The following CA13 variants were observed in gnomAD, a reference collection of about 807,000 sequenced individuals.
CA13 encodes CA-XIII.
In CA13, 21 loss-of-function variants were observed where a neutral mutation model predicts 31.5. That is an observed-to-expected ratio of 0.67 (90% CI 0.47 to 0.96). The LOEUF (loss-of-function observed/expected upper bound fraction) is 0.96. Among genes scored for constraint, CA13 ranks in the 40% least tolerant of loss-of-function variants. The pLI is 0.00. For synonymous variants in CA13, 117 were observed against 111.4 expected, an observed-to-expected ratio of 1.05 and a Z score of -0.32; for missense variants, 315 against 318.9, an observed-to-expected ratio of 0.99 and a Z score of 0.09.
At chr8:85,263,500 G>T (rs963826835) in intron 3 of CA13, among the ~76,000 whole-genome samples, 40 of 152,296 alleles carry the variant, frequency 2.6e-4, no homozygotes, top group African/African-American at 8.9e-4. Flanking sequence ...TCTGGGGGTG[G>T]TGGAGACGAA....
intron 3 of CA13, among the ~76,000 whole-genome samples, chr8:85,265,658 A>G (rs1564002865): frequency 6.6e-6 from 1 of 152,020 alleles, no homozygotes; most frequent in Non-Finnish European, 1.5e-5. Context: ...AAACATATTC[A>G]TAGAACGTGG....
intron 6 of CA13, 62 bp downstream of exon 6, chr8:85,268,689 T>G (rs1807489129): frequency 1.5e-6 from 2 of 1,364,626 alleles, no homozygotes; most frequent in African/African-American, 2.9e-5. Context: ...TTTTTTTTTT[T>G]TTTTTCAACC....
At chr8:85,278,058 C>G (rs1587547417) in intron 6 of CA13, among the ~76,000 whole-genome samples, 1 of 151,232 alleles carries the variant, frequency 6.6e-6, no homozygotes, top group Non-Finnish European at 1.5e-5. Flanking sequence ...GCCAGGAGTT[C>G]AAGACCAGTC....
At chr8:85,246,860 TAAAG>T (rs1221622684) in intron 1 of CA13, among the ~76,000 whole-genome samples, 3 of 152,216 alleles carry the variant, frequency 2.0e-5, no homozygotes, top group Middle Eastern at 3.4e-3. Flanking sequence ...AAATACATAA[TAAAG>T]AAAAAAATTA....
chr8:85,269,574 CAA>C (rs1442214944), intron 6 of CA13, among the ~76,000 whole-genome samples: 2 of 152,134 alleles, frequency 1.3e-5, no homozygotes, highest in Admixed American at 1.3e-4. Flanking sequence ...CATTTGTTGA[CAA>C]AAACTTTTGT....
rs1184876798 is a variant in CA13, at chr8:85,245,491, TC to T, written c.-336del. ...CCTGGAAGTCCTCTAGGCAACACTT[TC>T]CTCTCCCGAGTGACGACTCCTCAGA... On this transcript the variant is annotated 5_prime_UTR_variant, in exon 1 of 7. Transcript: ENST00000321764. 2 of 321,676 alleles carry T rather than the reference TC, an allele frequency of 6.2e-6. No homozygotes were observed. The highest frequency in any genetic ancestry group is 1.1e-5 in the Non-Finnish European group (2 of 174,010). The allele number at this position is 321,676 out of a possible 1,614,324, so 19.9% of individuals were successfully genotyped here.
At chr8:85,251,028 A>C (rs1203359843) in intron 2 of CA13, 91 bp downstream of exon 2, 1 of 1,064,378 alleles carries the variant, frequency 9.4e-7, no homozygotes, top group Non-Finnish European at 1.4e-6. Flanking sequence ...TTTGAGACAG[A>C]GTCTCGCTCT....
chr8:85,253,197 G>A (rs551816463), intron 2 of CA13, among the ~76,000 whole-genome samples: 18 of 152,136 alleles, frequency 1.2e-4, no homozygotes, highest in Non-Finnish European at 2.2e-4. Flanking sequence ...CGCCCGCCTC[G>A]GCCTCCCAAA....
chr8:85,259,021 C>T (rs1807341152), intron 2 of CA13, among the ~76,000 whole-genome samples: 2 of 152,040 alleles, frequency 1.3e-5, no homozygotes, highest in Non-Finnish European at 2.9e-5. Context: ...GAAGCCTGTG[C>T]TCAAACCACA....
chr8:85,268,704 C>A, intron 6 of CA13, 77 bp downstream of exon 6: 1 of 1,233,526 alleles, frequency 8.1e-7, no homozygotes, highest in Non-Finnish European at 1.1e-6. Flanking sequence ...TCAACCCTGC[C>A]CTTAATTTCT....
intron 5 of CA13, 145 bp downstream of exon 5, chr8:85,268,109 C>G (rs918255595): frequency 1.8e-6 from 1 of 569,724 alleles, no homozygotes; most frequent in African/African-American, 1.9e-5. Flanking sequence ...CCTATTACCA[C>G]TTATCTTTTG....
intron 1 of CA13, among the ~76,000 whole-genome samples, chr8:85,247,179 C>G (rs532698049): frequency 1.3e-5 from 2 of 152,002 alleles, no homozygotes; most frequent in Non-Finnish European, 2.9e-5. Flanking sequence ...TATGACAAAT[C>G]TTTTTTCATT....
intron 5 of CA13, 27 bp from the exon 6 acceptor site, chr8:85,268,445 T>C (rs1290924327): frequency 6.2e-7 from 1 of 1,612,496 alleles, no homozygotes; most frequent in Admixed American, 1.7e-5. Context: ...CCATTGTAAT[T>C]TGTGGGAATT....
intron 6 of CA13, among the ~76,000 whole-genome samples, chr8:85,270,039 A>G (rs1386190773): frequency 6.6e-6 from 1 of 152,216 alleles, no homozygotes; most frequent in East Asian, 1.9e-4. Context: ...TCCAGTCTTT[A>G]ATGTTCAGAA....
chr8:85,278,661 C>T (rs956010771), intron 6 of CA13, among the ~76,000 whole-genome samples: 3 of 152,028 alleles, frequency 2.0e-5, no homozygotes, highest in Non-Finnish European at 2.9e-5. Flanking sequence ...GAGCTTTGGT[C>T]GGAGAATGGA....
intron 3 of CA13, 69 bp downstream of exon 3, chr8:85,259,608 A>G (rs1807350511): frequency 8.0e-6 from 10 of 1,247,390 alleles, no homozygotes; most frequent in Non-Finnish European, 1.2e-5. Context: ...TACAGAGACA[A>G]CTTTACTGAT....
chr8:85,253,651 A>G (rs1334460235), intron 2 of CA13, among the ~76,000 whole-genome samples: 1 of 152,122 alleles, frequency 6.6e-6, no homozygotes, highest in Non-Finnish European at 1.5e-5. Context: ...GTAAGGAGGG[A>G]CCTGGCCTTT....
At chr8:85,246,317 A>C (rs1382150248) in intron 1 of CA13, 1 of 455,234 alleles carries the variant, frequency 2.2e-6, no homozygotes, top group Non-Finnish European at 4.4e-6. Context: ...AAATATATTT[A>C]GGAAATCTTA....
At chr8:85,256,955 C>G (rs1234116898) in intron 2 of CA13, among the ~76,000 whole-genome samples, 1 of 152,192 alleles carries the variant, frequency 6.6e-6, no homozygotes, top group Non-Finnish European at 1.5e-5. Flanking sequence ...CTCTCTCTCT[C>G]TCCCTCTCTG....
Sources: allele counts gnomAD v4.1 joint callset (sites outside exome capture counted in the v4.1 genomes callset), GRCh38; gene constraint gnomAD v4.1.1; transcripts MANE v1.5; gene names NCBI Gene and HGNC (gene_info 2026-07-23, HGNC 2026-07-21).